ARL15: variants seen among roughly 807,000 people sequenced by gnomAD.
ARL15 encodes ADP-ribosylation factor-like protein 15.
In ARL15, 19 loss-of-function variants were observed where a neutral mutation model predicts 25.2. That is an observed-to-expected ratio of 0.75 (90% CI 0.53 to 1.10). ARL15 has a LOEUF of 1.10. Ranked by LOEUF, ARL15 falls within the 50% of genes least tolerant of loss-of-function variation. The probability of loss-of-function intolerance (pLI) is 0.00; values close to 1 mark genes in which losing one functional copy is unlikely to be tolerated. For missense variants in ARL15, 220 were observed against 246.0 expected, an observed-to-expected ratio of 0.89 and a Z score of 0.71; for synonymous variants, 94 against 86.8, an observed-to-expected ratio of 1.08 and a Z score of -0.46.
At chr5:53,912,034 C>T (rs1311747877) in intron 4 of ARL15, 1 of 150,752 alleles carries the variant, frequency 6.6e-6, no homozygotes, top group Non-Finnish European at 1.5e-5. Context: ...TAATGGAATA[C>T]TTTATGAATT....
intron 1 of ARL15, among the ~76,000 whole-genome samples, chr5:54,236,019 T>C (rs935555092): frequency 6.6e-6 from 1 of 152,136 alleles, no homozygotes; most frequent in African/African-American, 2.4e-5. Flanking sequence ...AAATTTGATA[T>C]AGCTATTTGG....
intron 4 of ARL15, among the ~76,000 whole-genome samples, chr5:54,109,642 T>C (rs1050036821): frequency 6.6e-6 from 1 of 151,984 alleles, no homozygotes; most frequent in Non-Finnish European, 1.5e-5. Context: ...ACAAATTAGT[T>C]ACAATTACAA....
At chr5:54,257,717 C>T (rs1013852402) in intron 1 of ARL15, among the ~76,000 whole-genome samples, 13 of 152,170 alleles carry the variant, frequency 8.5e-5, no homozygotes, top group Non-Finnish European at 1.8e-4. Flanking sequence ...GATTGCATGT[C>T]AGAGAAGAGG....
At chr5:54,181,617 G>C (rs1351730941) in intron 1 of ARL15, among the ~76,000 whole-genome samples, 1 of 152,050 alleles carries the variant, frequency 6.6e-6, no homozygotes, top group African/African-American at 2.4e-5. Flanking sequence ...ACTTAAGAAG[G>C]GTCAGGACAT....
At chr5:54,295,086 A>C (rs1448865637) in intron 1 of ARL15, among the ~76,000 whole-genome samples, 2 of 152,248 alleles carry the variant, frequency 1.3e-5, no homozygotes, top group African/African-American at 4.8e-5. Context: ...TTTTTAAGCA[A>C]CTTGTTTCAT....
chr5:54,192,038 C>G (rs1393939012), intron 1 of ARL15, among the ~76,000 whole-genome samples: 1 of 152,166 alleles, frequency 6.6e-6, no homozygotes, highest in Non-Finnish European at 1.5e-5. Context: ...TTACTCCAAG[C>G]AACCTGGCCT....
intron 4 of ARL15, among the ~76,000 whole-genome samples, chr5:53,964,795 A>G (rs1247742875): frequency 6.6e-6 from 1 of 152,200 alleles, no homozygotes; most frequent in African/African-American, 2.4e-5. Context: ...TGATGATTAG[A>G]CACTGAATTC....
chr5:53,937,551 A>C, intron 4 of ARL15, among the ~76,000 whole-genome samples: 1 of 152,186 alleles, frequency 6.6e-6, no homozygotes, highest in Admixed American at 6.5e-5. Context: ...TATAGTTTTT[A>C]CTACGGCTTT....
At position 54,118,999 on chromosome 5, in the gene ARL15, A is replaced by C. The variant is rs142227476; in HGVS notation, c.254-5589T>G. Reference sequence around the variant, plus strand: ...AAACACAATTTTACATCATTATCTTAGATGTCAATTCCTAACAATTGCATT... The same window carrying C: ...AAACACAATTTTACATCATTATCTTCGATGTCAATTCCTAACAATTGCATT... On this transcript the variant is annotated intron_variant, in intron 3 of 4. Coordinates refer to ENST00000504924, the MANE Select transcript of ARL15 (RefSeq NM_019087.3). Among the ~76,000 whole-genome samples, 469 of 152,276 alleles carry C rather than the reference A, an allele frequency of 3.1e-3. 2 individuals are homozygous for C. Among genetic ancestry groups the C allele is most frequent in the Admixed American group, 8.4e-3 (129 of 15,300 alleles).
intron 3 of ARL15, among the ~76,000 whole-genome samples, chr5:54,126,491 C>T (rs1381864231): frequency 6.6e-6 from 1 of 152,180 alleles, no homozygotes; most frequent in Non-Finnish European, 1.5e-5. Flanking sequence ...CTCTATAACC[C>T]AGTGTAATTG....
chr5:53,958,619 T>C (rs961601948), intron 4 of ARL15, among the ~76,000 whole-genome samples: 4 of 152,130 alleles, frequency 2.6e-5, no homozygotes, highest in South Asian at 2.1e-4. Flanking sequence ...AAGGCAGAGA[T>C]TGGCACAATG....
intron 3 of ARL15, among the ~76,000 whole-genome samples, chr5:54,122,013 G>A (rs934984429): frequency 2.0e-5 from 3 of 152,164 alleles, no homozygotes; most frequent in Admixed American, 2.0e-4. Flanking sequence ...AGTTAGCTCA[G>A]TACCTGGAAG....
chr5:54,097,875 A>G (rs770283570), intron 4 of ARL15, among the ~76,000 whole-genome samples: 2 of 152,236 alleles, frequency 1.3e-5, no homozygotes, highest in Non-Finnish European at 2.9e-5. Context: ...ATCAGTGCTG[A>G]TGTGCAGGGA....
At chr5:54,181,650 G>A (rs1755062448) in intron 1 of ARL15, among the ~76,000 whole-genome samples, 1 of 152,214 alleles carries the variant, frequency 6.6e-6, no homozygotes, top group Non-Finnish European at 1.5e-5. Context: ...AAGGAGCTAG[G>A]TGGTCGGGCA....
At chr5:53,935,706 C>T (rs1289860172) in intron 4 of ARL15, among the ~76,000 whole-genome samples, 1 of 152,174 alleles carries the variant, frequency 6.6e-6, no homozygotes, top group Non-Finnish European at 1.5e-5. Flanking sequence ...CCAAAGTAAA[C>T]AACAACAACC....
intron 4 of ARL15, among the ~76,000 whole-genome samples, chr5:53,948,160 G>A (rs560390196): frequency 2.0e-5 from 3 of 152,296 alleles, no homozygotes; most frequent in African/African-American, 7.2e-5. Context: ...TAATGACAGT[G>A]AATACGTAAG....
At chr5:54,290,203 T>C (rs1327662558) in intron 1 of ARL15, among the ~76,000 whole-genome samples, 5 of 152,304 alleles carry the variant, frequency 3.3e-5, no homozygotes, top group East Asian at 1.9e-4. Flanking sequence ...ATCCATTTTT[T>C]AGCCAGGCCT....
At chr5:54,106,475 T>C (rs1250774500) in intron 4 of ARL15, among the ~76,000 whole-genome samples, 2 of 152,212 alleles carry the variant, frequency 1.3e-5, no homozygotes, top group East Asian at 1.9e-4. Flanking sequence ...GAATCTCCCA[T>C]GGATACCAAA....
chr5:54,196,918 C>T, intron 1 of ARL15, among the ~76,000 whole-genome samples: 1 of 152,034 alleles, frequency 6.6e-6, no homozygotes, highest in South Asian at 2.1e-4. Context: ...TAAAAATCAT[C>T]AGTGCCACTG....
Sources: gnomAD v4.1 joint callset for allele counts (sites outside exome capture counted in the v4.1 genomes callset) on GRCh38, gnomAD v4.1.1 for gene constraint, MANE v1.5 for transcripts, NCBI Gene and HGNC (gene_info 2026-07-23, HGNC 2026-07-21) for gene names.